Variants in SURF4 observed in about 807,000 individuals in gnomAD.
The protein encoded by SURF4 is surfeit locus protein 4.
A neutral mutation model predicts 30.0 loss-of-function variants in SURF4; 3 were observed. The observed-to-expected ratio is 0.10, with a 90% confidence interval of 0.05 to 0.26. SURF4 has a LOEUF of 0.26. SURF4 is among the 10% of genes least tolerant of loss of function. The pLI is 1.00. For synonymous variants in SURF4, 143 were observed against 139.9 expected (o/e 1.02, Z -0.16); for missense variants, 217 against 350.8 (o/e 0.62, Z 3.05).
chr9:133,364,843 A>G lies in SURF4; in HGVS notation c.540T>C (p.Phe180=), dbSNP rs146072505. ...TCAGGCAAGTAGGAATACTTACAGAAAAGAAGCTGGCGTCAAAGTGAAGGA... is the reference window on the plus strand; with the variant it reads ...TCAGGCAAGTAGGAATACTTACAGAGAAGAAGCTGGCGTCAAAGTGAAGGA... The part of the protein sequence containing the change: ...MTLLHFDASF[F]SIVQNIVGTA... Residue 180 remains phenylalanine, a synonymous_variant, in exon 5 of 6, where the codon TTT becomes TTC. Coordinates refer to ENST00000371989, the MANE Select transcript of SURF4 (RefSeq NM_033161.4). 3.2e-5 allele frequency: 51 copies of G among 1,613,970 alleles called. No individual in the cohort carries two copies. Among genetic ancestry groups the G allele is most frequent in the Non-Finnish European group, 4.3e-5 (51 of 1,179,996 alleles).
intron 1 of SURF4, chr9:133,370,932 A>T: frequency 7.8e-7 from 1 of 1,289,742 alleles, no homozygotes; most frequent in Non-Finnish European, 1.0e-6. Context: ...CAAGCAGGAT[A>T]TGGTTCATAA....
chr9:133,363,078 C>T lies in SURF4; in HGVS notation c.*415G>A, dbSNP rs1564359759. The T allele has an allele frequency of 6.1e-6, 2 of 326,380 alleles. No individual in the cohort carries two copies. The highest frequency in any genetic ancestry group is 7.3e-5 in the South Asian group (2 of 27,548). 20.2% of individuals were successfully genotyped at this position (326,380 alleles called of 1,614,324 possible). A position where few individuals can be genotyped will look rare whatever the true frequency, so the allele number is the denominator to read the frequency against. ...CCACCCAAAATAATTTAGTAGTTTC[C>T]GCTAAAAATGTAAACTTACAAATAA... On this transcript the variant is annotated 3_prime_UTR_variant, in exon 6 of 6. Transcript: ENST00000371989. This position sits in a 1 kb window ranked among gnomAD's most constrained non-coding sequence, Gnocchi z 4.3.
chr9:133,371,172 T>C (rs1358711234), intron 1 of SURF4: 2 of 980,558 alleles, frequency 2.0e-6, no homozygotes, highest in East Asian at 1.1e-4. Context: ...GGAAAGCAGC[T>C]TGCAAATTCG....
At chr9:133,377,261 GA>G (rs921648619), upstream of SURF4, among the ~76,000 whole-genome samples, 78 of 150,932 alleles carry the variant, frequency 5.2e-4, 1 homozygote, top group African/African-American at 1.7e-3. Context: ...CCTGCTTTTG[GA>G]AAAAAAAATA....
intron 1 of SURF4, among the ~76,000 whole-genome samples, chr9:133,373,596 C>G (rs1837632807): frequency 6.7e-6 from 1 of 148,884 alleles, no homozygotes; most frequent in African/African-American, 2.5e-5. Context: ...AAGTAAGACT[C>G]TGTCTCCAAA....
chr9:133,375,892 G>C (rs1712698871), intron 1 of SURF4, 30 bp downstream of exon 1: 5 of 1,221,162 alleles, frequency 4.1e-6, no homozygotes, highest in Non-Finnish European at 5.1e-6. Context: ...GGTCGGGACC[G>C]GGGCCGGGGG....
chr9:133,363,245 C>G lies in SURF4; in HGVS notation c.*248G>C, dbSNP rs903005212. 2 of 688,164 alleles carry G rather than the reference C, an allele frequency of 2.9e-6. No individual in the cohort carries two copies. The highest frequency in any genetic ancestry group is 2.4e-5 in the Admixed American group (1 of 42,124). 42.6% of individuals were successfully genotyped at this position (688,164 alleles called of 1,614,324 possible). ...CGGGCTGTTCACTCCAAAGCCTCGG[C>G]GTGGGGGAGGCTTCCAGCTGCCAGG... is the stretch of plus-strand genomic sequence containing the variant. On this transcript the variant is annotated 3_prime_UTR_variant, in exon 6 of 6. Transcript: ENST00000371989. This position sits in a 1 kb window ranked among gnomAD's most constrained non-coding sequence, Gnocchi z 4.3.
chr9:133,367,200 T>C (rs1837224636), intron 2 of SURF4, 59 bp downstream of exon 2: 1 of 1,580,362 alleles, frequency 6.3e-7, no homozygotes, highest in Non-Finnish European at 8.6e-7. Context: ...GCCTCCCAAC[T>C]GCTAACGATC....
chr9:133,370,790 TC>T, intron 1 of SURF4: 25 of 1,053,896 alleles, frequency 2.4e-5, no homozygotes, highest in Non-Finnish European at 3.1e-5. Flanking sequence ...ACAGTCCCCC[TC>T]CCCCCCATTA....
rs1588728453 is a variant in SURF4 at position 133,376,034 on chromosome 9, G to A, written c.-65C>T. On this transcript the variant is annotated 5_prime_UTR_variant, in exon 1 of 6. Transcript: ENST00000371989. ...CGCTGGCTCTCGCCCGTCGGCGCCCGCACCCGCTGCGGCCTCCACAGGAAG... is the reference window on the plus strand; with the variant it reads ...CGCTGGCTCTCGCCCGTCGGCGCCCACACCCGCTGCGGCCTCCACAGGAAG... 3 of 1,197,038 alleles carry A rather than the reference G, an allele frequency of 2.5e-6. No homozygotes were observed. Among genetic ancestry groups the A allele is most frequent in the East Asian group, 3.5e-5 (1 of 28,522 alleles). 74.2% of individuals were successfully genotyped at this position (1,197,038 alleles called of 1,614,324 possible). A position where few individuals can be genotyped will look rare whatever the true frequency, so the allele number is the denominator to read the frequency against.
In SURF4 at chr9:133,363,938, T is replaced by C. The variant is rs2130096986; in HGVS notation, c.544-179A>G. ...AAAGCCAAAGGGAGGCAGGAGGCAA[T>C]AAAGCACCAGCTTTGAAATGTGGAA... On this transcript the variant is annotated intron_variant, in intron 5 of 5. Transcript: ENST00000371989. This position sits in a 1 kb window ranked among gnomAD's most constrained non-coding sequence, Gnocchi z 4.3. The C allele has an allele frequency of 1.4e-3, 1,101 of 779,320 alleles. 21 individuals carry two copies. In the South Asian group the frequency reaches 0.015, roughly 11 times the overall value. 48.3% of individuals were successfully genotyped at this position (779,320 alleles called of 1,614,324 possible).
intron 3 of SURF4, 46 bp downstream of exon 3, chr9:133,366,553 C>T: frequency 6.3e-7 from 1 of 1,593,680 alleles, no homozygotes; most frequent in Non-Finnish European, 8.6e-7. Context: ...AAGCTCTGCT[C>T]CACCAGAGCA....
Position 133,363,736 on chromosome 9 carries a change from T to C in SURF4, c.567A>G (p.Thr189=). 1 of 1,614,220 alleles carries C rather than the reference T, an allele frequency of 6.2e-7. No homozygotes were observed. The highest frequency in any genetic ancestry group is 1.7e-5 in the Admixed American group (1 of 60,036). ...FFSIVQNIVG[T]ALMILVAIGF... ...CAATGGCCACTAAAATCATCAGAGC[T>C]GTGCCCACGATGTTCTGGACAATCT... is the stretch of plus-strand genomic sequence containing the variant. The change falls in exon 6 of 6, where the codon ACA becomes ACG. Residue 189 remains threonine (T), a synonymous_variant. Transcript: ENST00000371989. This position sits in a 1 kb window ranked among gnomAD's most constrained non-coding sequence, Gnocchi z 4.3.
chr9:133,367,113 G>T (rs979201717), intron 2 of SURF4, 146 bp downstream of exon 2: 33 of 1,105,750 alleles, frequency 3.0e-5, no homozygotes, highest in Non-Finnish European at 4.2e-5. Context: ...CCGGACTCCT[G>T]GCCTGGCACA....
chr9:133,373,252 C>G (rs943122435), intron 1 of SURF4, among the ~76,000 whole-genome samples: 1 of 152,186 alleles, frequency 6.6e-6, no homozygotes, highest in East Asian at 1.9e-4. Context: ...TGTGCCCCCT[C>G]AAGAGCCTTT....
intron 1 of SURF4, among the ~76,000 whole-genome samples, chr9:133,369,087 C>A (rs2119148619): frequency 6.6e-6 from 1 of 152,348 alleles, no homozygotes; most frequent in Admixed American, 6.5e-5. Flanking sequence ...TCAGGTCACC[C>A]TCCAGCCTGT....
At chr9:133,376,606 G>C, upstream of SURF4, 2 of 1,508,378 alleles carry the variant, frequency 1.3e-6, no homozygotes, top group Middle Eastern at 1.7e-4. Context: ...GTGGGGTAAC[G>C]GTCGCAACCC....
At position 133,363,959 on chromosome 9, in the gene SURF4, T is replaced by C; in HGVS notation, c.544-200A>G. 5.4e-6 allele frequency: 4 copies of C among 740,938 alleles called. No individual in the cohort carries two copies. The South Asian group carries it at 5.9e-5, about 11-fold the overall frequency. 45.9% of individuals were successfully genotyped at this position (740,938 alleles called of 1,614,324 possible). ...GCAATAAAGCACCAGCTTTGAAATGTGGAAGGTTTGGGGAAGACTGAAGTT... is the reference window on the plus strand; with the variant it reads ...GCAATAAAGCACCAGCTTTGAAATGCGGAAGGTTTGGGGAAGACTGAAGTT... On this transcript the variant is annotated intron_variant, in intron 5 of 5. Coordinates refer to ENST00000371989, the MANE Select transcript of SURF4 (RefSeq NM_033161.4). The surrounding 1 kb of genome is among the most constrained non-coding windows in gnomAD (Gnocchi z 4.3).
rs2130128105 is a variant in SURF4 at position 133,366,580 on chromosome 9, G to GA, written c.312+18dup. 1 of 1,613,330 alleles carries GA rather than the reference G, an allele frequency of 6.2e-7. No individual in the cohort carries two copies. Among genetic ancestry groups the GA allele is most frequent in the Non-Finnish European group, 8.5e-7 (1 of 1,179,752 alleles). ...ACCAGAGCAAAGAGAAGGGAGCCCC[G>GA]ACCACGCGGCCCGTGTACCTGCAGA... On this transcript the variant is annotated intron_variant, in intron 3 of 5. Transcript: ENST00000371989.
Sources: gnomAD v4.1 joint callset for allele counts (sites outside exome capture counted in the v4.1 genomes callset) on GRCh38, gnomAD v4.1.1 for gene constraint, Gnocchi (gnomAD v3.1) non-coding constraint, MANE v1.5 for transcripts, NCBI Gene and HGNC (gene_info 2026-07-23, HGNC 2026-07-21) for gene names.